Variants in HHIPL2 observed in about 807,000 individuals in gnomAD.
HHIPL2 encodes HHIP-like protein 2.
Under a neutral mutation model 61.0 loss-of-function variants are expected in HHIPL2, and 61 were observed. That is an observed-to-expected ratio of 1.00 (90% CI 0.81 to 1.24). The LOEUF (loss-of-function observed/expected upper bound fraction) is 1.24, where lower values mean the gene tolerates loss of function less well. Among genes scored for constraint, HHIPL2 ranks in the 50% most tolerant of loss-of-function variants. The pLI, the probability that HHIPL2 is intolerant of heterozygous loss-of-function variation, is 0.00. For synonymous variants in HHIPL2, 343 were observed against 357.4 expected, an observed-to-expected ratio of 0.96 and a Z score of 0.45; for missense variants, 885 against 910.2, an observed-to-expected ratio of 0.97 and a Z score of 0.36.
At chr1:222,537,591 C>G (rs1182812995) in intron 5 of HHIPL2, among the ~76,000 whole-genome samples, 1 of 148,786 alleles carries the variant, frequency 6.7e-6, no homozygotes, top group African/African-American at 2.5e-5. Context: ...GAGATCGCAC[C>G]ACTGCACTCC....
chr1:222,543,288 T>C (rs1659474122), intron 2 of HHIPL2, among the ~76,000 whole-genome samples: 1 of 152,234 alleles, frequency 6.6e-6, no homozygotes, highest in African/African-American at 2.4e-5. Flanking sequence ...CTGCTGGTCC[T>C]TACTTACCCT....
intron 2 of HHIPL2, 112 bp from the exon 3 acceptor site, chr1:222,542,267 C>G (rs959809068): frequency 8.1e-7 from 1 of 1,236,424 alleles, no homozygotes; most frequent in African/African-American, 1.5e-5. Context: ...CCAAGCCAGC[C>G]AAGACCTGCT....
intron 6 of HHIPL2, among the ~76,000 whole-genome samples, chr1:222,528,670 C>T (rs1041952861): frequency 6.6e-6 from 1 of 152,018 alleles, no homozygotes; most frequent in Non-Finnish European, 1.5e-5. Flanking sequence ...TCTGTCTGAC[C>T]CAATGTTTGT....
chr1:222,522,697 G>A lies in HHIPL2; in HGVS notation c.2079C>T (p.His693=), dbSNP rs146670821. Residue 693 remains histidine (H), a synonymous_variant, in exon 9 of 9, where the codon CAC becomes CAT. Coordinates refer to ENST00000343410, the MANE Select transcript of HHIPL2 (RefSeq NM_024746.4). The part of the protein sequence containing the change: ...GTKKKARVGP[H]VRQGKRRKSL... ...TCTTCCTCCTCTTGCCCTGGCGGAC[G>A]TGGGGCCCCACTCTGGCTTTCTTCT... 6.3e-5 allele frequency: 102 copies of A among 1,614,128 alleles called. 2 individuals carry two copies. The highest frequency in any genetic ancestry group is 4.9e-4 in the African/African-American group (37 of 75,034).
Position 222,533,364 on chromosome 1 carries a change from CA to C in HHIPL2, c.1578-1254del, listed in dbSNP as rs11432197. Among the ~76,000 whole-genome samples the C allele has an allele frequency of 4.5e-3, 573 of 127,854 alleles. 9 individuals carry two copies. In the East Asian group the frequency reaches 0.074, roughly 17 times the overall value. 83.9% of individuals were successfully genotyped at this position (127,854 alleles called of 152,430 possible). A position where few individuals can be genotyped will look rare whatever the true frequency, so the allele number is the denominator to read the frequency against. Reference sequence around the variant, plus strand: ...TGGGTGACAGAGGGAGACTCTGTCTCAAAAAAAAAAAAGAAAAAAAGAAAAG... The same window carrying C: ...TGGGTGACAGAGGGAGACTCTGTCTCAAAAAAAAAAAGAAAAAAAGAAAAG... On this transcript the variant is annotated intron_variant, in intron 5 of 8. Coordinates refer to ENST00000343410, the MANE Select transcript of HHIPL2 (RefSeq NM_024746.4).
chr1:222,528,780 A>G (rs1248296808), intron 6 of HHIPL2, among the ~76,000 whole-genome samples: 1 of 151,540 alleles, frequency 6.6e-6, no homozygotes, highest in Non-Finnish European at 1.5e-5. Flanking sequence ...ATTCTGAAAA[A>G]CCTAAAGCTT....
At chr1:222,544,308 G>A (rs2102623002) in intron 1 of HHIPL2, 119 bp from the exon 2 acceptor site, 1 of 1,109,354 alleles carries the variant, frequency 9.0e-7, no homozygotes, top group South Asian at 1.6e-5. Flanking sequence ...GGATTTTGGA[G>A]TTTTTGTTAC....
At chr1:222,527,145 G>T in intron 6 of HHIPL2, 95 bp from the exon 7 acceptor site, 1 of 917,644 alleles carries the variant, frequency 1.1e-6, no homozygotes, top group Non-Finnish European at 1.7e-6. Context: ...AGAGGTTATG[G>T]CCCTAAAATG....
intron 5 of HHIPL2, among the ~76,000 whole-genome samples, chr1:222,532,961 G>C (rs1368307684): frequency 6.6e-6 from 1 of 152,160 alleles, no homozygotes; most frequent in African/African-American, 2.4e-5. Context: ...TAGAAGAAAA[G>C]GGAAAGGAAG....
At chr1:222,523,158 G>A (rs1170545386) in intron 8 of HHIPL2, among the ~76,000 whole-genome samples, 3 of 151,854 alleles carry the variant, frequency 2.0e-5, no homozygotes, top group Non-Finnish European at 4.4e-5. Context: ...TCATTCTAGG[G>A]GCCCTCTAAG....
chr1:222,532,172 T>C, intron 5 of HHIPL2, 61 bp from the exon 6 acceptor site: 11 of 1,471,842 alleles, frequency 7.5e-6, no homozygotes, highest in Non-Finnish European at 1.0e-5. Context: ...AGAATACTTT[T>C]TCTCCTAGAA....
chr1:222,529,226 A>T (rs999920650), intron 6 of HHIPL2, among the ~76,000 whole-genome samples: 15 of 152,162 alleles, frequency 9.9e-5, no homozygotes, highest in African/African-American at 2.9e-4. Flanking sequence ...GCAGCTGCCT[A>T]ACAAACTATG....
intron 7 of HHIPL2, among the ~76,000 whole-genome samples, chr1:222,525,926 G>A (rs1168353966): frequency 6.6e-6 from 1 of 152,104 alleles, no homozygotes; most frequent in Non-Finnish European, 1.5e-5. Context: ...TTGAACCCAG[G>A]AGGCAGAGGT....
chr1:222,537,518 CT>C (rs1461408816), intron 5 of HHIPL2, among the ~76,000 whole-genome samples: 2 of 151,232 alleles, frequency 1.3e-5, no homozygotes, highest in African/African-American at 2.4e-5. Flanking sequence ...GTAGTCCCAG[CT>C]ACTCAGGAGG....
At position 222,522,824 on chromosome 1, in the gene HHIPL2, G is replaced by A. The variant is rs754854757; in HGVS notation, c.1952C>T (p.Thr651Ile). The change falls in exon 9 of 9, where the codon ACC (threonine) becomes ATC (isoleucine). Residue 651 changes from threonine to isoleucine, a missense_variant. Thr to Ile is a moderately conservative substitution (Grantham distance 89). Transcript: ENST00000343410. ...EKAARKSSSA[T>I]LASGPAQGLS... ...ACCCTGGGCTGGGCCAGAAGCTAAG[G>A]TTGCACTGGAAGATTTTCTAGCAGC... 1.1e-5 allele frequency: 17 copies of A among 1,614,058 alleles called. No individual in the cohort carries two copies. The South Asian group carries it at 1.8e-4, about 17-fold the overall frequency.
rs1215843228 is a variant in HHIPL2, at chr1:222,531,982, A to C, written c.1707T>G (p.Phe569Leu). The change falls in exon 6 of 9, where the codon TTT becomes TTG. Residue 569 changes from phenylalanine to leucine, a missense_variant. Phe to Leu is a conservative substitution (Grantham distance 22). Transcript: ENST00000343410. Reference sequence around the variant, plus strand: ...ATTTGTTACCTGCTTCATCTTCAGCAAAGGAGATGATGAACTTGCTATGGG... The same window carrying C: ...ATTTGTTACCTGCTTCATCTTCAGCCAAGGAGATGATGAACTTGCTATGGG... ...ISTHSKFIIS[F>L]AEDEAGELYF... 1.2e-6 allele frequency: 2 copies of C among 1,606,678 alleles called. No individual in the cohort carries two copies. The highest frequency in any genetic ancestry group is 1.7e-6 in the Non-Finnish European group (2 of 1,174,478).
chr1:222,537,596 C>A (rs930653162), intron 5 of HHIPL2, among the ~76,000 whole-genome samples: 23 of 150,042 alleles, frequency 1.5e-4, no homozygotes, highest in African/African-American at 5.6e-4. Flanking sequence ...CGCACCACTG[C>A]ACTCCAGCCT....
intron 8 of HHIPL2, among the ~76,000 whole-genome samples, 180 bp downstream of exon 8, chr1:222,523,432 C>A (rs1658996545): frequency 6.6e-6 from 1 of 152,126 alleles, no homozygotes; most frequent in Non-Finnish European, 1.5e-5. Context: ...GGAAACCGGT[C>A]ACAGTAGAAA....
At chr1:222,546,075 A>AAATAAATAAATAAATAAAT (rs1659551036) in intron 1 of HHIPL2, among the ~76,000 whole-genome samples, 1 of 24,664 alleles carries the variant, frequency 4.1e-5, no homozygotes, top group Non-Finnish European at 9.6e-5. Context: ...AATAAATAAA[A>AAATAAATAAATAAATAAAT]GTCCTATGTG....
Sources: gnomAD v4.1 joint callset for allele counts (sites outside exome capture counted in the v4.1 genomes callset) on GRCh38, gnomAD v4.1.1 for gene constraint, MANE v1.5 for transcripts, NCBI Gene and HGNC (gene_info 2026-07-23, HGNC 2026-07-21) for gene names.